The following CRYBG1 variants were observed in gnomAD, a reference collection of about 807,000 sequenced individuals.
CRYBG1 encodes beta/gamma crystallin domain-containing protein 1.
A neutral mutation model predicts 189.2 loss-of-function variants in CRYBG1; 139 were observed. That is an observed-to-expected ratio of 0.73 (90% confidence interval 0.64 to 0.85). The LOEUF (loss-of-function observed/expected upper bound fraction) is 0.85, where lower values mean the gene tolerates loss of function less well. Ranked by LOEUF, CRYBG1 falls within the 40% of genes least tolerant of loss-of-function variation. CRYBG1 has a pLI of 0.00. For missense variants in CRYBG1, 2,611 were observed against 2,675.8 expected (o/e 0.98, Z 0.53); for synonymous variants, 1,023 against 1,017.1 (o/e 1.01, Z -0.11).
At chr6:106,489,121 C>T (rs1245238397) in intron 2 of CRYBG1, among the ~76,000 whole-genome samples, 1 of 152,202 alleles carries the variant, frequency 6.6e-6, no homozygotes, top group East Asian at 1.9e-4. Flanking sequence ...GTCTCTCCAG[C>T]TCTGACCTGA....
chr6:106,463,239 G>GA (rs59862615), intron 2 of CRYBG1, among the ~76,000 whole-genome samples: 2,740 of 138,840 alleles, frequency 0.02, 157 homozygotes, highest in Admixed American at 0.12. Context: ...AGGCAGGAAA[G>GA]AAAAAAAAAA....
Position 106,433,761 on chromosome 6 carries a change from A to ATATATATATATG in CRYBG1, c.174-17921_174-17910dup, listed in dbSNP as rs61445745. On this transcript the variant is annotated intron_variant, in intron 1 of 21. Coordinates refer to ENST00000633556, the MANE Select transcript of CRYBG1 (RefSeq NM_001371242.2). ...CATATATATGTATATATATATGTGT[A>ATATATATATATG]TATATATATATGTATATATATATAA... is the stretch of plus-strand genomic sequence containing the variant. Among the ~76,000 whole-genome samples the ATATATATATATG allele has an allele frequency of 5.9e-3, 480 of 81,778 alleles. 13 individuals carry two copies. Among genetic ancestry groups the ATATATATATATG allele is most frequent in the African/African-American group, 0.02 (459 of 23,316 alleles). 53.6% of individuals were successfully genotyped at this position (81,778 alleles called of 152,430 possible). A position where few individuals can be genotyped will look rare whatever the true frequency, so the allele number is the denominator to read the frequency against.
chr6:106,449,911 C>A (rs1202238582), intron 1 of CRYBG1, among the ~76,000 whole-genome samples: 2 of 151,976 alleles, frequency 1.3e-5, no homozygotes, highest in Admixed American at 1.3e-4. Context: ...ATAATGCAAA[C>A]AATAGTGACT....
intron 21 of CRYBG1, among the ~76,000 whole-genome samples, chr6:106,564,172 AC>A (rs1774806247): frequency 1.3e-5 from 2 of 149,038 alleles, no homozygotes; most frequent in East Asian, 1.9e-4. Context: ...AGACAAAACA[AC>A]AACAACAACA....
intron 7 of CRYBG1, 94 bp downstream of exon 7, chr6:106,527,564 G>T: frequency 3.0e-6 from 4 of 1,316,968 alleles, no homozygotes; most frequent in East Asian, 2.4e-5. Context: ...TATGTGATTG[G>T]GAAACATATT....
At chr6:106,421,875 A>G (rs1771129080) in intron 1 of CRYBG1, among the ~76,000 whole-genome samples, 1 of 152,090 alleles carries the variant, frequency 6.6e-6, no homozygotes, top group Non-Finnish European at 1.5e-5. Flanking sequence ...TCTTATGTGG[A>G]TGGTAGCAGG....
intron 1 of CRYBG1, among the ~76,000 whole-genome samples, chr6:106,361,753 A>G (rs137891514): frequency 1.2e-4 from 19 of 152,328 alleles, no homozygotes; most frequent in African/African-American, 3.6e-4. Context: ...TTATTCAACT[A>G]TAGCATCAGA....
chr6:106,519,501 A>G lies in CRYBG1; in HGVS notation c.2293A>G (p.Arg765Gly). 2 of 1,614,172 alleles carry G rather than the reference A, an allele frequency of 1.2e-6. No homozygotes were observed. Among genetic ancestry groups the G allele is most frequent in the Non-Finnish European group, 8.5e-7 (1 of 1,180,026 alleles). The change falls in exon 4 of 22, where the codon AGA becomes GGA. Residue 765 changes from arginine (R) to glycine (G), a missense_variant. By Grantham distance (125) the Arg-to-Gly change is moderately radical (BLOSUM62 -2). Transcript: ENST00000633556. Reference sequence around the variant, plus strand: ...GGAAGAAGAGATTCTGCCAGCAACCAGAGGAATGAATGGAGACTCTTCTGA... The same window carrying G: ...GGAAGAAGAGATTCTGCCAGCAACCGGAGGAATGAATGGAGACTCTTCTGA... ...VSEEEILPATRGMNGDSSENQ... is the reference protein window; with the variant it reads ...VSEEEILPATGGMNGDSSENQ...
At chr6:106,495,870 A>G (rs922210999) in intron 2 of CRYBG1, among the ~76,000 whole-genome samples, 1 of 150,294 alleles carries the variant, frequency 6.7e-6, no homozygotes, top group Non-Finnish European at 1.5e-5. Flanking sequence ...TTCAAATTTC[A>G]AAGGCAAAGT....
At chr6:106,368,076 T>C (rs1023408430) in intron 1 of CRYBG1, among the ~76,000 whole-genome samples, 14 of 152,050 alleles carry the variant, frequency 9.2e-5, no homozygotes, top group African/African-American at 3.4e-4. Flanking sequence ...AGTTTCTAAT[T>C]CCTAATAGTC....
intron 10 of CRYBG1, among the ~76,000 whole-genome samples, chr6:106,543,049 T>C (rs559201480): frequency 8.7e-4 from 132 of 151,068 alleles, no homozygotes; most frequent in Admixed American, 1.5e-3. Flanking sequence ...TTTATTTTAT[T>C]GAGACAAGAG....
chr6:106,510,263 G>A lies in CRYBG1; in HGVS notation c.313-1167G>A, dbSNP rs1582805192. 4.6e-5 allele frequency among the ~76,000 whole-genome samples: 7 copies of A among 152,176 alleles called. No homozygotes were observed. In the South Asian group the frequency reaches 1.2e-3, roughly 27 times the overall value. ...CTCTCCTAGGAGCCAGGCTGGGCTC[G>A]CCGCCCCTGCTCCCCCGCTTTCCCA... On this transcript the variant is annotated intron_variant, in intron 2 of 21. Coordinates refer to ENST00000633556, the MANE Select transcript of CRYBG1 (RefSeq NM_001371242.2).
chr6:106,400,003 G>A (rs1244777314), intron 1 of CRYBG1, among the ~76,000 whole-genome samples: 1 of 151,840 alleles, frequency 6.6e-6, no homozygotes, highest in Non-Finnish European at 1.5e-5. Context: ...CAGGCGTGGT[G>A]GCACATACCT....
At position 106,565,332 on chromosome 6, in the gene CRYBG1, AGTT is replaced by A. The variant is rs1373867094; in HGVS notation, c.6301+1409_6301+1411del. Among the ~76,000 whole-genome samples, 3 of 151,226 alleles carry A rather than the reference AGTT, an allele frequency of 2.0e-5. No individual in the cohort carries two copies. The East Asian group carries it at 5.8e-4, about 29-fold the overall frequency. On this transcript the variant is annotated intron_variant, in intron 21 of 21. Transcript: ENST00000633556. ...CAAGACTTCGTCTCAAAAAAAAAAA[AGTT>A]GTAGGGACAAGAAAGTGCTGTAATC...
At chr6:106,368,602 GC>G (rs1562287615) in intron 1 of CRYBG1, among the ~76,000 whole-genome samples, 2 of 152,134 alleles carry the variant, frequency 1.3e-5, no homozygotes, top group African/African-American at 4.8e-5. Flanking sequence ...TAACCCAAAT[GC>G]CTCATCAACA....
intron 2 of CRYBG1, among the ~76,000 whole-genome samples, chr6:106,481,165 G>C: frequency 9.3e-6 from 1 of 107,818 alleles, no homozygotes; most frequent in Non-Finnish European, 1.8e-5. Flanking sequence ...TAGTAGAGAC[G>C]GGGTTTCACC....
intron 13 of CRYBG1, among the ~76,000 whole-genome samples, chr6:106,549,461 C>A (rs1259608115): frequency 6.6e-6 from 1 of 152,000 alleles, no homozygotes; most frequent in Non-Finnish European, 1.5e-5. Context: ...GTTTTTAGGC[C>A]GGGAACAGTG....
chr6:106,531,549 T>C (rs1421188943), intron 8 of CRYBG1, among the ~76,000 whole-genome samples: 10 of 152,218 alleles, frequency 6.6e-5, no homozygotes, highest in African/African-American at 2.2e-4. Context: ...AAAGAGTTTC[T>C]CATCGCAGGG....
chr6:106,409,832 T>C (rs1438490613), intron 1 of CRYBG1, among the ~76,000 whole-genome samples: 1 of 152,184 alleles, frequency 6.6e-6, no homozygotes, highest in Non-Finnish European at 1.5e-5. Flanking sequence ...TGCAGAAAAC[T>C]GAATCTGTAC....
Sources: allele counts gnomAD v4.1 joint callset (sites outside exome capture counted in the v4.1 genomes callset), GRCh38; gene constraint gnomAD v4.1.1; transcripts MANE v1.5; gene names NCBI Gene and HGNC (gene_info 2026-07-23, HGNC 2026-07-21).